CNKSR3: variants seen among roughly 807,000 people sequenced by gnomAD.
CNKSR3 encodes the protein CNKSR family member 3, also known as connector enhancer of kinase suppressor of ras 3.
In CNKSR3, 36 loss-of-function variants were observed where a neutral mutation model predicts 67.7. That is an observed-to-expected ratio of 0.53 (90% confidence interval 0.41 to 0.70). The LOEUF is 0.70. Ranked by LOEUF, CNKSR3 falls within the 30% of genes least tolerant of loss-of-function variation. The pLI, the probability that CNKSR3 is intolerant of heterozygous loss-of-function variation, is 0.00. For missense variants in CNKSR3, 630 were observed against 695.2 expected (o/e 0.91, Z 1.05); for synonymous variants, 281 against 271.4 (o/e 1.04, Z -0.35).
At position 154,461,217 on chromosome 6, in the gene CNKSR3, G is replaced by GA. The variant is rs569823818; in HGVS notation, c.53-10960dup. On this transcript the variant is annotated intron_variant, in intron 1 of 12. Coordinates refer to ENST00000607772, the MANE Select transcript of CNKSR3 (RefSeq NM_173515.4). ...GAAAGCAAATCCCAGAGACTATCAG[G>GA]AAAAAGGCAAAGCTAAGACAGAACC... Among the ~76,000 whole-genome samples the GA allele has an allele frequency of 1.2e-4, 18 of 152,216 alleles. No individual in the cohort carries two copies. In the South Asian group the frequency reaches 3.7e-3, roughly 32 times the overall value.
intron 7 of CNKSR3, among the ~76,000 whole-genome samples, chr6:154,426,693 G>A (rs971398846): frequency 6.6e-6 from 1 of 152,152 alleles, no homozygotes; most frequent in Non-Finnish European, 1.5e-5. Flanking sequence ...CAAGAGGAAG[G>A]AAGTACTATG....
Position 154,394,650 on chromosome 6 carries a change from G to A in CNKSR3, c.*11704C>T, listed in dbSNP as rs1030258592. On this transcript the variant is annotated 3_prime_UTR_variant, in exon 13 of 13. Transcript: ENST00000607772. ...AAAAAAAAAAAGAAGAATTCCAAAGGAAACAGAAGAAAATAGAAAATAAAA... is the reference window on the plus strand; with the variant it reads ...AAAAAAAAAAAGAAGAATTCCAAAGAAAACAGAAGAAAATAGAAAATAAAA... 5.4e-5 allele frequency: 8 copies of A among 147,354 alleles called. No homozygotes were observed. The highest frequency in any genetic ancestry group is 1.2e-4 in the Non-Finnish European group (8 of 66,962). 9.1% of individuals were successfully genotyped at this position (147,354 alleles called of 1,614,324 possible).
At chr6:154,431,059 T>C (rs1319500246) in intron 5 of CNKSR3, among the ~76,000 whole-genome samples, 1 of 152,164 alleles carries the variant, frequency 6.6e-6, no homozygotes, top group Non-Finnish European at 1.5e-5. Flanking sequence ...AAAAGTACAT[T>C]GAGTTCCCAT....
intron 1 of CNKSR3, among the ~76,000 whole-genome samples, chr6:154,502,667 C>T (rs1787022903): frequency 6.6e-6 from 1 of 152,214 alleles, no homozygotes; most frequent in African/African-American, 2.4e-5. Context: ...TGCTGCTCAT[C>T]TGCAGTGGAA....
chr6:154,481,926 A>AG lies in CNKSR3; in HGVS notation c.52+28136dup, dbSNP rs1786575254. ...GCTGGGGTGGCAAGCTCTAATGCACAGTACAGTTCTACCAATCTGTCATCA... is the reference window on the plus strand; with the variant it reads ...GCTGGGGTGGCAAGCTCTAATGCACAGGTACAGTTCTACCAATCTGTCATCA... On this transcript the variant is annotated intron_variant, in intron 1 of 12. Coordinates refer to ENST00000607772, the MANE Select transcript of CNKSR3 (RefSeq NM_173515.4). 2.6e-5 allele frequency among the ~76,000 whole-genome samples: 4 copies of AG among 152,324 alleles called. No individual in the cohort carries two copies. The South Asian group carries it at 8.3e-4, about 32-fold the overall frequency.
At chr6:154,471,122 T>C (rs561743089) in intron 1 of CNKSR3, among the ~76,000 whole-genome samples, 30 of 152,342 alleles carry the variant, frequency 2.0e-4, no homozygotes, top group African/African-American at 7.2e-4. Flanking sequence ...ACTTCAGTCA[T>C]TCAGTCATTC....
At chr6:154,490,917 G>C (rs1456638892) in intron 1 of CNKSR3, among the ~76,000 whole-genome samples, 1 of 151,908 alleles carries the variant, frequency 6.6e-6, no homozygotes, top group Non-Finnish European at 1.5e-5. Context: ...CATGATCTTG[G>C]CTCACTGCAA....
chr6:154,507,016 T>C (rs771143678), intron 1 of CNKSR3, among the ~76,000 whole-genome samples: 10 of 152,178 alleles, frequency 6.6e-5, no homozygotes, highest in Non-Finnish European at 1.0e-4. Context: ...CTCTGCTGGG[T>C]GACATCGGTC....
intron 1 of CNKSR3, among the ~76,000 whole-genome samples, chr6:154,461,969 A>G (rs984023159): frequency 3.3e-5 from 5 of 152,234 alleles, no homozygotes; most frequent in Admixed American, 6.5e-5. Context: ...CTCCAATACA[A>G]GGAGGCTGGA....
intron 1 of CNKSR3, among the ~76,000 whole-genome samples, chr6:154,505,517 A>G (rs1246466373): frequency 7.4e-6 from 1 of 135,600 alleles, no homozygotes; most frequent in African/African-American, 2.9e-5. Flanking sequence ...TTTTTTTTTG[A>G]GACAGAGTCT....
intron 1 of CNKSR3, among the ~76,000 whole-genome samples, chr6:154,475,693 T>C (rs1786431141): frequency 6.6e-6 from 1 of 152,214 alleles, no homozygotes; most frequent in Admixed American, 6.5e-5. Flanking sequence ...TAGGCCTTCC[T>C]GGGGCGGAGC....
chr6:154,499,922 T>C (rs917381200), intron 1 of CNKSR3, among the ~76,000 whole-genome samples: 1 of 152,236 alleles, frequency 6.6e-6, no homozygotes, highest in South Asian at 2.1e-4. Flanking sequence ...GGCATCTTAA[T>C]AGCAAAGAGT....
intron 7 of CNKSR3, among the ~76,000 whole-genome samples, chr6:154,424,918 C>A (rs979050421): frequency 6.6e-6 from 1 of 152,148 alleles, no homozygotes; most frequent in African/African-American, 2.4e-5. Context: ...ATTATAGGCA[C>A]CCACCACCAC....
At chr6:154,448,417 A>G (rs1260890720) in intron 2 of CNKSR3, among the ~76,000 whole-genome samples, 1 of 130,674 alleles carries the variant, frequency 7.7e-6, no homozygotes, top group Non-Finnish European at 1.6e-5. Flanking sequence ...ATAAAAGTAA[A>G]CTCAAACACG....
intron 2 of CNKSR3, among the ~76,000 whole-genome samples, chr6:154,445,312 G>A (rs1042912111): frequency 6.6e-6 from 1 of 151,798 alleles, no homozygotes; most frequent in Non-Finnish European, 1.5e-5. Flanking sequence ...TTATTTTCTA[G>A]AGACTAAAAT....
rs1562314553 is a variant in CNKSR3, at chr6:154,402,068, T to C, written c.*4286A>G. 2 of 152,150 alleles carry C rather than the reference T, an allele frequency of 1.3e-5. No homozygotes were observed. Among genetic ancestry groups the C allele is most frequent in the Non-Finnish European group, 1.5e-5 (1 of 68,026 alleles). 9.4% of individuals were successfully genotyped at this position (152,150 alleles called of 1,614,324 possible). On this transcript the variant is annotated 3_prime_UTR_variant, in exon 13 of 13. Transcript: ENST00000607772. ...AGCAGAGATAGGAAATGGACAAATA[T>C]ATAGACTGAAATACTACTTAAGGAG...
At chr6:154,424,293 T>C (rs1429690190) in intron 7 of CNKSR3, among the ~76,000 whole-genome samples, 1 of 150,606 alleles carries the variant, frequency 6.6e-6, no homozygotes, top group Non-Finnish European at 1.5e-5. Context: ...ATTTGTCAAA[T>C]ATTTTGCTCA....
chr6:154,409,681 C>T (rs1033794977), intron 12 of CNKSR3, among the ~76,000 whole-genome samples: 5 of 151,890 alleles, frequency 3.3e-5, no homozygotes, highest in African/African-American at 9.7e-5. Context: ...AGTAAGACCC[C>T]ATCTCAATTT....
intron 1 of CNKSR3, among the ~76,000 whole-genome samples, chr6:154,451,472 C>T (rs1002363230): frequency 9.8e-5 from 7 of 71,518 alleles, no homozygotes; most frequent in African/African-American, 5.0e-4. Flanking sequence ...CCACCAAACG[C>T]GCACACACAC....
Sources: gnomAD v4.1 joint callset for allele counts (sites outside exome capture counted in the v4.1 genomes callset) on GRCh38, gnomAD v4.1.1 for gene constraint, MANE v1.5 for transcripts, NCBI Gene and HGNC (gene_info 2026-07-23, HGNC 2026-07-21) for gene names.